The following CDH13 variants were observed in gnomAD, a reference collection of about 807,000 sequenced individuals.
CDH13 encodes the protein cadherin-13.
A neutral mutation model predicts 63.8 loss-of-function variants in CDH13; 24 were observed. That is an observed-to-expected ratio of 0.38 (90% confidence interval 0.27 to 0.53). The LOEUF is 0.53. Ranked by LOEUF, CDH13 falls within the 20% of genes least tolerant of loss-of-function variation. The probability of loss-of-function intolerance (pLI) is 0.85; values close to 1 mark genes in which losing one functional copy is unlikely to be tolerated. For synonymous variants in CDH13, 503 were observed against 355.3 expected (o/e 1.42, Z -4.67); for missense variants, 1,049 against 903.1 (o/e 1.16, Z -2.07).
chr16:82,732,008 C>G (rs929390279), intron 1 of CDH13, among the ~76,000 whole-genome samples: 1 of 152,144 alleles, frequency 6.6e-6, no homozygotes, highest in Admixed American at 6.6e-5. Flanking sequence ...CTTTGATCTG[C>G]AGCTTAAATG....
At chr16:83,567,910 A>T (rs1904299430) in intron 7 of CDH13, among the ~76,000 whole-genome samples, 1 of 152,140 alleles carries the variant, frequency 6.6e-6, no homozygotes, top group African/African-American at 2.4e-5. Flanking sequence ...ACAAGTTTTA[A>T]CCCTGTAAAT....
intron 7 of CDH13, among the ~76,000 whole-genome samples, chr16:83,505,667 C>T (rs541749196): frequency 1.1e-4 from 16 of 151,558 alleles, no homozygotes; most frequent in African/African-American, 2.2e-4. Flanking sequence ...CCTCAGCCTC[C>T]GGAGTAGCTG....
At chr16:83,058,609 C>T (rs2031200087) in intron 3 of CDH13, among the ~76,000 whole-genome samples, 1 of 152,142 alleles carries the variant, frequency 6.6e-6, no homozygotes, top group African/African-American at 2.4e-5. Flanking sequence ...CTCCCCTGAC[C>T]ACACAGGAAG....
chr16:83,531,452 A>C (rs1358329698), intron 7 of CDH13, among the ~76,000 whole-genome samples: 1 of 152,192 alleles, frequency 6.6e-6, no homozygotes, highest in African/African-American at 2.4e-5. Context: ...TGATTAAGTC[A>C]AGGATCTTGA....
intron 13 of CDH13, among the ~76,000 whole-genome samples, chr16:83,788,958 T>G (rs1467252150): frequency 3.3e-5 from 5 of 152,210 alleles, no homozygotes; most frequent in African/African-American, 7.2e-5. Context: ...GTGTTACCAC[T>G]TACCTTCAAA....
intron 2 of CDH13, among the ~76,000 whole-genome samples, chr16:83,004,938 C>T: frequency 6.6e-6 from 1 of 152,192 alleles, no homozygotes; most frequent in East Asian, 1.9e-4. Flanking sequence ...CTACCTCCTG[C>T]ACCATAGCCA....
chr16:82,917,753 A>C (rs1001791401), intron 2 of CDH13, among the ~76,000 whole-genome samples: 10 of 152,094 alleles, frequency 6.6e-5, no homozygotes, highest in African/African-American at 2.4e-4. Flanking sequence ...CTCTACTAAA[A>C]ACACCCAAAA....
intron 3 of CDH13, among the ~76,000 whole-genome samples, chr16:83,079,818 T>C (rs563052070): frequency 6.6e-6 from 1 of 152,342 alleles, no homozygotes; most frequent in East Asian, 1.9e-4. Context: ...GGATGATCCA[T>C]GGTGTTGGAA....
intron 2 of CDH13, among the ~76,000 whole-genome samples, chr16:83,006,806 A>T (rs984916955): frequency 6.6e-6 from 1 of 152,174 alleles, no homozygotes; most frequent in Non-Finnish European, 1.5e-5. Flanking sequence ...GAATAGAATA[A>T]CGCCATTTGT....
At chr16:82,915,448 C>G (rs1209785903) in intron 2 of CDH13, among the ~76,000 whole-genome samples, 5 of 152,078 alleles carry the variant, frequency 3.3e-5, no homozygotes, top group Non-Finnish European at 5.9e-5. Context: ...AGCTTCCTGC[C>G]CAAAGACGCC....
chr16:82,976,684 G>T (rs1909557306), intron 2 of CDH13, among the ~76,000 whole-genome samples: 1 of 152,126 alleles, frequency 6.6e-6, no homozygotes, highest in Non-Finnish European at 1.5e-5. Flanking sequence ...TGGCACTGAG[G>T]GGTTCAGACT....
chr16:83,021,091 G>A (rs1183920198), intron 2 of CDH13, among the ~76,000 whole-genome samples: 3 of 152,278 alleles, frequency 2.0e-5, no homozygotes, highest in African/African-American at 4.8e-5. Context: ...CTGTAAATCC[G>A]AGATTTGGTG....
At chr16:83,730,962 G>A (rs1221396369) in intron 10 of CDH13, among the ~76,000 whole-genome samples, 1 of 152,224 alleles carries the variant, frequency 6.6e-6, no homozygotes, top group Non-Finnish European at 1.5e-5. Flanking sequence ...ATGGCCTCCA[G>A]CTGCATCCAT....
chr16:83,285,713 T>C (rs1205161492), intron 5 of CDH13, among the ~76,000 whole-genome samples: 3 of 152,128 alleles, frequency 2.0e-5, no homozygotes, highest in Admixed American at 1.3e-4. Flanking sequence ...TCCAGGATTT[T>C]GGTGTTTGTG....
At chr16:83,194,469 A>G (rs2038815392) in intron 4 of CDH13, among the ~76,000 whole-genome samples, 2 of 152,208 alleles carry the variant, frequency 1.3e-5, no homozygotes, top group South Asian at 2.1e-4. Context: ...AGAAACATAA[A>G]TGGAACTGTG....
chr16:82,988,355 G>A (rs1233047315), intron 2 of CDH13, among the ~76,000 whole-genome samples: 1 of 152,116 alleles, frequency 6.6e-6, no homozygotes, highest in African/African-American at 2.4e-5. Flanking sequence ...AGTGAAAGAT[G>A]GGCAGATAAG....
At chr16:82,680,946 A>T (rs1914476023) in intron 1 of CDH13, among the ~76,000 whole-genome samples, 1 of 152,206 alleles carries the variant, frequency 6.6e-6, no homozygotes, top group Non-Finnish European at 1.5e-5. Flanking sequence ...ATCTAGTGGA[A>T]AGCCAGAGAA....
chr16:83,701,857 T>C (rs1162628858), intron 10 of CDH13, among the ~76,000 whole-genome samples: 1 of 152,180 alleles, frequency 6.6e-6, no homozygotes, highest in Non-Finnish European at 1.5e-5. Flanking sequence ...AACAGCTGCC[T>C]GGCTAATGTC....
intron 1 of CDH13, among the ~76,000 whole-genome samples, chr16:82,743,878 A>T (rs927190468): frequency 3.9e-5 from 6 of 152,220 alleles, no homozygotes; most frequent in African/African-American, 1.4e-4. Flanking sequence ...GTATGTAATT[A>T]AATTTGATTT....
Sources: allele counts gnomAD v4.1 joint callset (sites outside exome capture counted in the v4.1 genomes callset), GRCh38; gene constraint gnomAD v4.1.1; transcripts MANE v1.5; gene names NCBI Gene and HGNC (gene_info 2026-07-23, HGNC 2026-07-21).